The following CNTN5 variants were observed in gnomAD, a reference collection of about 807,000 sequenced individuals.
CNTN5 encodes contactin-5.
CNTN5 carries 77 observed loss-of-function variants against 129.1 expected under a neutral mutation model. That is an observed-to-expected ratio of 0.60 (90% CI 0.50 to 0.72). CNTN5 has a LOEUF of 0.72. Among genes scored for constraint, CNTN5 ranks in the 30% least tolerant of loss-of-function variants. CNTN5 has a pLI of 0.00. For synonymous variants in CNTN5, 509 were observed against 465.6 expected (o/e 1.09, Z -1.20); for missense variants, 1,478 against 1,328.8 (o/e 1.11, Z -1.75).
chr11:99,905,592 C>CT (rs878897618), intron 6 of CNTN5, among the ~76,000 whole-genome samples: 1 of 152,040 alleles, frequency 6.6e-6, no homozygotes, highest in Non-Finnish European at 1.5e-5. Context: ...CAGCTTTGTT[C>CT]TTTTTTCTTA....
rs142714426 is a variant in CNTN5, at chr11:99,301,241, G to A, written c.-209-24105G>A. On this transcript the variant is annotated intron_variant, in intron 1 of 24. Transcript: ENST00000524871. The stretch of plus-strand genomic sequence containing the variant: ...GCAAAATGGCAGATTCAAATCCTAC[G>A]TTATGAATTATAACATTAAATGTAA... Among the ~76,000 whole-genome samples, 159 of 151,180 alleles carry A rather than the reference G, an allele frequency of 1.1e-3. 1 individual carries two copies. Among genetic ancestry groups the A allele is most frequent in the Middle Eastern group, 6.9e-3 (2 of 288 alleles).
chr11:99,276,741 A>G (rs969341650), intron 1 of CNTN5, among the ~76,000 whole-genome samples: 2 of 151,532 alleles, frequency 1.3e-5, no homozygotes, highest in Non-Finnish European at 3.0e-5. Context: ...CAAACTATAT[A>G]TATGTATACA....
At chr11:99,246,200 G>T (rs563180384) in intron 1 of CNTN5, among the ~76,000 whole-genome samples, 2 of 152,294 alleles carry the variant, frequency 1.3e-5, no homozygotes, top group East Asian at 3.9e-4. Flanking sequence ...GTTATCTAAT[G>T]AACGCATTTT....
chr11:99,958,814 A>C (rs963607631), intron 8 of CNTN5, among the ~76,000 whole-genome samples: 2 of 152,156 alleles, frequency 1.3e-5, no homozygotes, highest in African/African-American at 4.8e-5. Context: ...GCTAACAATT[A>C]ATTCCATTTT....
intron 16 of CNTN5, among the ~76,000 whole-genome samples, chr11:100,232,182 G>A (rs1289318710): frequency 6.6e-6 from 1 of 152,030 alleles, no homozygotes; most frequent in Non-Finnish European, 1.5e-5. Flanking sequence ...CAAAGAGTCT[G>A]TGAAGCATAG....
intron 9 of CNTN5, among the ~76,000 whole-genome samples, chr11:100,034,667 A>G (rs1941888771): frequency 6.6e-6 from 1 of 152,178 alleles, no homozygotes; most frequent in Non-Finnish European, 1.5e-5. Flanking sequence ...CTTGTGTATT[A>G]TTGGTGGTTG....
chr11:99,540,248 T>A (rs1290549670), intron 2 of CNTN5, among the ~76,000 whole-genome samples: 3 of 152,174 alleles, frequency 2.0e-5, no homozygotes, highest in African/African-American at 7.2e-5. Context: ...ATGTGTTGTG[T>A]TCAAGTTCTG....
intron 1 of CNTN5, among the ~76,000 whole-genome samples, chr11:99,235,950 G>A (rs1162819862): frequency 1.3e-5 from 2 of 152,154 alleles, no homozygotes; most frequent in Admixed American, 6.5e-5. Context: ...AGGACTTCAC[G>A]TCATGGACGT....
At chr11:99,619,733 A>G (rs1483861645) in intron 3 of CNTN5, among the ~76,000 whole-genome samples, 4 of 152,154 alleles carry the variant, frequency 2.6e-5, no homozygotes, top group Non-Finnish European at 4.4e-5. Flanking sequence ...GTGAAATACT[A>G]AGAAACAAAG....
At chr11:99,828,208 T>C (rs1200983541) in intron 4 of CNTN5, among the ~76,000 whole-genome samples, 1 of 152,148 alleles carries the variant, frequency 6.6e-6, no homozygotes, top group Non-Finnish European at 1.5e-5. Context: ...TAAGAGTAAT[T>C]TGTGAAAAAA....
chr11:99,781,874 T>A (rs1435772563), intron 3 of CNTN5, among the ~76,000 whole-genome samples: 1 of 152,124 alleles, frequency 6.6e-6, no homozygotes, highest in Non-Finnish European at 1.5e-5. Flanking sequence ...AATATCATAC[T>A]GAATGGGCAA....
At chr11:100,249,347 T>A (rs1167752262) in intron 16 of CNTN5, among the ~76,000 whole-genome samples, 1 of 152,202 alleles carries the variant, frequency 6.6e-6, no homozygotes, top group Admixed American at 6.5e-5. Flanking sequence ...GAACCCTTTA[T>A]TGAGGCTAGA....
At chr11:100,107,802 A>G (rs556087459) in intron 13 of CNTN5, among the ~76,000 whole-genome samples, 2 of 152,200 alleles carry the variant, frequency 1.3e-5, no homozygotes, top group South Asian at 4.1e-4. Flanking sequence ...CTACTACTCC[A>G]GTGATACAAA....
At chr11:99,029,412 A>C (rs1040509673) in intron 1 of CNTN5, among the ~76,000 whole-genome samples, 2 of 152,052 alleles carry the variant, frequency 1.3e-5, no homozygotes, top group African/African-American at 4.8e-5. Context: ...GGAAGTGAGA[A>C]GTTTGACCAC....
intron 6 of CNTN5, among the ~76,000 whole-genome samples, chr11:99,883,466 A>C (rs1254675628): frequency 6.6e-6 from 1 of 152,168 alleles, no homozygotes; most frequent in East Asian, 1.9e-4. Flanking sequence ...TCTGATGAGC[A>C]ATGATGTTGA....
At chr11:100,005,605 G>A (rs1262988289) in intron 9 of CNTN5, among the ~76,000 whole-genome samples, 1 of 152,014 alleles carries the variant, frequency 6.6e-6, no homozygotes, top group Non-Finnish European at 1.5e-5. Flanking sequence ...TATTCTCAAA[G>A]CATATTTTCA....
In CNTN5 at chr11:99,388,834, C is replaced by T. The variant is rs1037704808; in HGVS notation, c.-71+63350C>T. Among the ~76,000 whole-genome samples, 28 of 152,072 alleles carry T rather than the reference C, an allele frequency of 1.8e-4. 1 individual carries two copies. On this transcript the variant is annotated intron_variant, in intron 2 of 24. Transcript: ENST00000524871. ...GATAGGAACAGATTTATCTCCTAAT[C>T]TGCTTACACACAGACACAGACACAC...
rs553685682 is a variant in CNTN5 at position 99,377,013 on chromosome 11, G to T, written c.-71+51529G>T. Reference sequence around the variant, plus strand: ...GAAATGTACTTAACATGGTGTTTGGGCTTTTGCTGAGTGATATAAGGAAGG... The same window carrying T: ...GAAATGTACTTAACATGGTGTTTGGTCTTTTGCTGAGTGATATAAGGAAGG... On this transcript the variant is annotated intron_variant, in intron 2 of 24. Coordinates refer to ENST00000524871, the MANE Select transcript of CNTN5 (RefSeq NM_014361.4). 2.0e-5 allele frequency among the ~76,000 whole-genome samples: 3 copies of T among 152,268 alleles called. No individual in the cohort carries two copies. The South Asian group carries it at 6.2e-4, about 32-fold the overall frequency.
At chr11:99,808,229 A>C (rs1172314426) in intron 3 of CNTN5, among the ~76,000 whole-genome samples, 1 of 152,162 alleles carries the variant, frequency 6.6e-6, no homozygotes, top group Non-Finnish European at 1.5e-5. Flanking sequence ...ACTATGGATG[A>C]GGCAAATGTG....
Sources: gnomAD v4.1 joint callset for allele counts (sites outside exome capture counted in the v4.1 genomes callset) on GRCh38, gnomAD v4.1.1 for gene constraint, MANE v1.5 for transcripts, NCBI Gene and HGNC (gene_info 2026-07-23, HGNC 2026-07-21) for gene names.